CASP9: variants seen among roughly 807,000 people sequenced by gnomAD.
The protein encoded by CASP9 is caspase 9.
In CASP9, 29 loss-of-function variants were observed where a neutral mutation model predicts 43.5. The ratio of observed to expected loss-of-function variants is 0.67; its 90% CI spans 0.50 to 0.91. CASP9 has a LOEUF of 0.91. CASP9 is among the 40% of genes least tolerant of loss of function. CASP9 has a pLI of 0.00. For missense variants in CASP9, 575 were observed against 537.4 expected, an observed-to-expected ratio of 1.07 and a Z score of -0.69; for synonymous variants, 206 against 211.9, an observed-to-expected ratio of 0.97 and a Z score of 0.24.
intron 1 of CASP9, 32 bp from the exon 2 acceptor site, chr1:15,518,427 T>C (rs200669919): frequency 2.3e-4 from 371 of 1,595,650 alleles, no homozygotes; most frequent in Non-Finnish European, 3.0e-4. Context: ...ATACTAATTA[T>C]CCACGTACTT....
chr1:15,496,813 G>A (rs1448735189), intron 6 of CASP9, among the ~76,000 whole-genome samples: 3 of 152,142 alleles, frequency 2.0e-5, no homozygotes, highest in Non-Finnish European at 4.4e-5. Flanking sequence ...AGGATCCCTT[G>A]AGCCCAGGAG....
rs771060483 is a variant in CASP9, at chr1:15,518,275, G to A, written c.253C>T (p.Leu85=). ...CTGTTAGTTCGCAGAAACGAAGCCAGCATGTCCTGGCCTGTGTCCTCTAAG... is the reference window on the plus strand; with the variant it reads ...CTGTTAGTTCGCAGAAACGAAGCCAACATGTCCTGGCCTGTGTCCTCTAAG... The part of the protein sequence containing the change: ...SCLEDTGQDM[L]ASFLRTNRQA... The change falls in exon 2 of 9, where the codon CTG becomes TTG. Residue 85 remains leucine (L), a synonymous_variant. Coordinates refer to ENST00000333868, the MANE Select transcript of CASP9 (RefSeq NM_001229.5). 2.1e-5 allele frequency: 34 copies of A among 1,614,124 alleles called. No homozygotes were observed. The highest frequency in any genetic ancestry group is 2.9e-5 in the Non-Finnish European group (34 of 1,180,048).
intron 6 of CASP9, among the ~76,000 whole-genome samples, chr1:15,503,207 C>T (rs1400678539): frequency 6.6e-6 from 1 of 151,964 alleles, no homozygotes; most frequent in Admixed American, 6.6e-5. Context: ...GGCAACATGG[C>T]AAAACCCTGT....
At chr1:15,503,289 G>A (rs1055311599) in intron 6 of CASP9, among the ~76,000 whole-genome samples, 1 of 152,120 alleles carries the variant, frequency 6.6e-6, no homozygotes, top group African/African-American at 2.4e-5. Context: ...TACTCAGGAG[G>A]CTGAGGTGGG....
intron 6 of CASP9, among the ~76,000 whole-genome samples, chr1:15,503,288 G>A (rs996039686): frequency 1.3e-5 from 2 of 152,092 alleles, no homozygotes; most frequent in African/African-American, 4.8e-5. Context: ...CTACTCAGGA[G>A]GCTGAGGTGG....
chr1:15,491,569 G>A lies in CASP9; in HGVS notation c.*1374C>T. 6.4e-6 allele frequency: 3 copies of A among 468,160 alleles called. 1 individual carries two copies. The South Asian group carries it at 7.2e-5, about 11-fold the overall frequency. The allele number at this position is 468,160 out of a possible 1,614,324, so 29.0% of individuals were successfully genotyped here. ...GTCCAGGAGTTCAAGACCAGCCTGA[G>A]TAACATGGCATAACTCTGTCTCTAC... On this transcript the variant is annotated 3_prime_UTR_variant, in exon 9 of 9. Coordinates refer to ENST00000333868, the MANE Select transcript of CASP9 (RefSeq NM_001229.5).
intron 2 of CASP9, among the ~76,000 whole-genome samples, chr1:15,516,472 T>C (rs1709952818): frequency 1.1e-5 from 1 of 93,368 alleles, no homozygotes; most frequent in Non-Finnish European, 2.2e-5. Flanking sequence ...CAGAAGACCT[T>C]GCCTCAATTA....
At chr1:15,507,951 G>A (rs1354497302) in intron 2 of CASP9, 44 bp from the exon 3 acceptor site, 2 of 1,605,310 alleles carry the variant, frequency 1.2e-6, no homozygotes, top group Non-Finnish European at 1.7e-6. Flanking sequence ...TTGGGTTACA[G>A]CAGAGGAGGG....
intron 6 of CASP9, among the ~76,000 whole-genome samples, chr1:15,502,087 A>T (rs1229918218): frequency 6.6e-6 from 1 of 152,166 alleles, no homozygotes; most frequent in Non-Finnish European, 1.5e-5. Flanking sequence ...TAGAATCCAC[A>T]TGAGACGCAA....
At chr1:15,523,997 C>G in intron 1 of CASP9, 72 bp downstream of exon 1, 1 of 1,173,752 alleles carries the variant, frequency 8.5e-7, no homozygotes, top group South Asian at 1.5e-5. Context: ...AGGCTAGGCT[C>G]CCGCACAACG....
intron 2 of CASP9, 137 bp from the exon 3 acceptor site, chr1:15,508,044 C>T: frequency 1.3e-6 from 1 of 783,306 alleles, no homozygotes; most frequent in South Asian, 1.6e-5. Context: ...GGAGAGCCAC[C>T]TTGGAGATCT....
rs1207817887 is a variant in CASP9, at chr1:15,494,015, AG to A, written c.1049-15del. The A allele has an allele frequency of 1.3e-6, 2 of 1,566,022 alleles. No individual in the cohort carries two copies. The highest frequency in any genetic ancestry group is 1.7e-6 in the Non-Finnish European group (2 of 1,157,078). ...AGGAAACAAAACCTTTGGAGGGAGGAGGGCTGAACACTGCTGGAGAGCCACC... is the reference window on the plus strand; with the variant it reads ...AGGAAACAAAACCTTTGGAGGGAGGAGGCTGAACACTGCTGGAGAGCCACC... On this transcript the variant is annotated splice_polypyrimidine_tract_variant and intron_variant, in intron 7 of 8. Coordinates refer to ENST00000333868, the MANE Select transcript of CASP9 (RefSeq NM_001229.5).
At chr1:15,497,309 T>TAAAA (rs200717519) in intron 6 of CASP9, among the ~76,000 whole-genome samples, 1 of 101,724 alleles carries the variant, frequency 9.8e-6, no homozygotes, top group African/African-American at 3.8e-5. Flanking sequence ...GGACTCCATC[T>TAAAA]AAAAAAAAAA....
chr1:15,493,659 CCT>C, intron 8 of CASP9: 8 of 1,449,238 alleles, frequency 5.5e-6, no homozygotes, highest in Non-Finnish European at 6.3e-6. Context: ...AACCTGGGGA[CCT>C]TGGAGGAGAC....
Position 15,491,474 on chromosome 1 carries a change from T to C in CASP9, c.*1469A>G, listed in dbSNP as rs1160619056. 23 of 985,274 alleles carry C rather than the reference T, an allele frequency of 2.3e-5. No homozygotes were observed. Among genetic ancestry groups the C allele is most frequent in the South Asian group, 1.4e-4 (9 of 64,718 alleles). 61.0% of individuals were successfully genotyped at this position (985,274 alleles called of 1,614,324 possible). ...CATCCAGGGCCCTAAGAACCAGAAATAGGTCAGGCGCAATGGCTCAAGCCT... is the reference window on the plus strand; with the variant it reads ...CATCCAGGGCCCTAAGAACCAGAAACAGGTCAGGCGCAATGGCTCAAGCCT... On this transcript the variant is annotated 3_prime_UTR_variant, in exon 9 of 9. Coordinates refer to ENST00000333868, the MANE Select transcript of CASP9 (RefSeq NM_001229.5).
At chr1:15,499,099 T>A (rs1232378344) in intron 6 of CASP9, among the ~76,000 whole-genome samples, 1 of 152,186 alleles carries the variant, frequency 6.6e-6, no homozygotes, top group Non-Finnish European at 1.5e-5. Flanking sequence ...CTCTAGCAAG[T>A]AGCTATCAGT....
chr1:15,518,776 T>A (rs1570872277), intron 1 of CASP9, among the ~76,000 whole-genome samples: 1 of 152,012 alleles, frequency 6.6e-6, no homozygotes, highest in African/African-American at 2.4e-5. Flanking sequence ...AGGTGGGAGG[T>A]AGATAGTGGC....
At chr1:15,494,645 C>T (rs1457455846) in intron 7 of CASP9, among the ~76,000 whole-genome samples, 1 of 151,154 alleles carries the variant, frequency 6.6e-6, no homozygotes, top group East Asian at 2.0e-4. Context: ...AGGTGGATCA[C>T]GAGGTCAGGA....
At chr1:15,524,007 G>T in intron 1 of CASP9, 62 bp downstream of exon 1, 1 of 1,249,490 alleles carries the variant, frequency 8.0e-7, no homozygotes, top group East Asian at 2.9e-5. Context: ...CCCGCACAAC[G>T]CCTCCTCGAG....
Sources: gnomAD v4.1 joint callset for allele counts (sites outside exome capture counted in the v4.1 genomes callset) on GRCh38, gnomAD v4.1.1 for gene constraint, MANE v1.5 for transcripts, NCBI Gene and HGNC (gene_info 2026-07-23, HGNC 2026-07-21) for gene names.